The following TMEM51 variants were observed in gnomAD, a reference collection of about 807,000 sequenced individuals.
The protein encoded by TMEM51 is transmembrane protein 51.
A neutral mutation model predicts 13.6 loss-of-function variants in TMEM51; 8 were observed. The observed-to-expected ratio is 0.59, with a 90% CI of 0.35 to 1.07. The LOEUF is 1.07. TMEM51 is among the 50% of genes least tolerant of loss of function. The pLI is 0.02. For synonymous variants in TMEM51, 147 were observed against 144.4 expected (o/e 1.02, Z -0.13); for missense variants, 279 against 330.7 (o/e 0.84, Z 1.21).
chr1:15,214,250 T>C (rs750930790), intron 2 of TMEM51, among the ~76,000 whole-genome samples: 4 of 152,010 alleles, frequency 2.6e-5, no homozygotes, highest in Admixed American at 6.6e-5. Context: ...GGGGAGCACA[T>C]GAAAGGGGCA....
intron 3 of TMEM51, among the ~76,000 whole-genome samples, chr1:15,215,861 T>C (rs771871207): frequency 1.3e-5 from 2 of 152,054 alleles, no homozygotes; most frequent in Non-Finnish European, 2.9e-5. Context: ...ACCCTGTCTC[T>C]ACTAAGAATA....
chr1:15,205,844 T>C (rs1644238941), intron 1 of TMEM51, among the ~76,000 whole-genome samples: 1 of 152,162 alleles, frequency 6.6e-6, no homozygotes, highest in Non-Finnish European at 1.5e-5. Context: ...CCTGCTGGAT[T>C]GTAAAAGTCT....
At chr1:15,169,529 T>A (rs760450138) in intron 1 of TMEM51, among the ~76,000 whole-genome samples, 52 of 152,210 alleles carry the variant, frequency 3.4e-4, no homozygotes, top group Admixed American at 9.2e-4. Context: ...TTAGCAAATA[T>A]CAACCCCCAA....
intron 1 of TMEM51, among the ~76,000 whole-genome samples, chr1:15,177,920 C>T (rs533434798): frequency 1.3e-4 from 20 of 152,206 alleles, no homozygotes; most frequent in African/African-American, 1.9e-4. Flanking sequence ...AACCCATACG[C>T]GCTGATGAAT....
chr1:15,218,559 GA>G (rs1257235576), intron 3 of TMEM51, among the ~76,000 whole-genome samples: 1 of 152,134 alleles, frequency 6.6e-6, no homozygotes, highest in African/African-American at 2.4e-5. Context: ...ATAATAGTGA[GA>G]TAGAAAACAG....
intron 1 of TMEM51, among the ~76,000 whole-genome samples, chr1:15,197,211 C>A (rs79071777): frequency 0.028 from 4,289 of 152,298 alleles, 198 homozygotes; most frequent in African/African-American, 0.092. Flanking sequence ...TATCACTGTG[C>A]CCCAGAGTGT....
At chr1:15,173,059 C>T (rs1643343515) in intron 1 of TMEM51, among the ~76,000 whole-genome samples, 1 of 152,052 alleles carries the variant, frequency 6.6e-6, no homozygotes, top group African/African-American at 2.4e-5. Flanking sequence ...TTGTGGGAAC[C>T]GAATGAGGCC....
At chr1:15,185,507 A>G (rs1348534317) in intron 1 of TMEM51, among the ~76,000 whole-genome samples, 1 of 152,180 alleles carries the variant, frequency 6.6e-6, no homozygotes, top group Non-Finnish European at 1.5e-5. Flanking sequence ...CCCTTATAAT[A>G]AGTAGTCTCT....
chr1:15,170,894 A>G (rs568334620), intron 1 of TMEM51, among the ~76,000 whole-genome samples: 7 of 151,772 alleles, frequency 4.6e-5, no homozygotes, highest in Admixed American at 2.0e-4. Context: ...ACGCCTGGCT[A>G]ATTTTTTGTA....
chr1:15,171,102 T>A, intron 1 of TMEM51: 40 of 692,816 alleles, frequency 5.8e-5, no homozygotes, highest in Non-Finnish European at 8.3e-5. Flanking sequence ...TCCCTCCTCC[T>A]CCACCCCCCG....
chr1:15,157,627 A>C (rs902914138), intron 1 of TMEM51, among the ~76,000 whole-genome samples: 5 of 152,190 alleles, frequency 3.3e-5, no homozygotes, highest in African/African-American at 1.2e-4. Context: ...TGACATGGTC[A>C]GGAGGAGTAA....
At chr1:15,191,455 A>G (rs1461017034) in intron 1 of TMEM51, among the ~76,000 whole-genome samples, 1 of 152,080 alleles carries the variant, frequency 6.6e-6, no homozygotes, top group African/African-American at 2.4e-5. Context: ...TCAGGTTTTC[A>G]CCCACGTCGA....
chr1:15,172,254 C>T (rs769321827), intron 1 of TMEM51, among the ~76,000 whole-genome samples: 5 of 151,862 alleles, frequency 3.3e-5, no homozygotes, highest in Non-Finnish European at 5.9e-5. Context: ...CATGGTGACA[C>T]GTGCCTGTAG....
At chr1:15,179,062 A>C (rs1557840042) in intron 1 of TMEM51, among the ~76,000 whole-genome samples, 1 of 152,210 alleles carries the variant, frequency 6.6e-6, no homozygotes, top group Non-Finnish European at 1.5e-5. Context: ...TCTGTGACTC[A>C]GAGCAGATCT....
intron 1 of TMEM51, among the ~76,000 whole-genome samples, chr1:15,160,641 A>G (rs2100811965): frequency 6.6e-6 from 1 of 152,204 alleles, no homozygotes; most frequent in East Asian, 1.9e-4. Flanking sequence ...GGCCTCACAT[A>G]CAGCTTCCTT....
chr1:15,220,061 G>T lies in TMEM51; in HGVS notation c.*318G>T. On this transcript the variant is annotated 3_prime_UTR_variant, in exon 4 of 4. Transcript: ENST00000376008. The stretch of plus-strand genomic sequence containing the variant: ...GGCGACACATTCTCCTTTCCAGCTA[G>T]GAAAGGGTTCCTCGCGGCTGGTTTA... 5.9e-6 allele frequency: 2 copies of T among 338,222 alleles called. No individual in the cohort carries two copies. The highest frequency in any genetic ancestry group is 5.4e-6 in the Non-Finnish European group (1 of 184,322). 21.0% of individuals were successfully genotyped at this position (338,222 alleles called of 1,614,324 possible).
rs1176964843 is a variant in TMEM51, at chr1:15,207,659, A to G, written c.-266-2831A>G. Among the ~76,000 whole-genome samples the G allele has an allele frequency of 6.6e-6, 1 of 152,146 alleles. No homozygotes were observed. The highest frequency in any genetic ancestry group is 1.5e-5 in the Non-Finnish European group (1 of 68,022). ...GCTCTGGTTGGCCAGGGGTGTGCAC[A>G]CGAGTGGAAAGAGCCTCTGCCCAGC... is the stretch of plus-strand genomic sequence containing the variant. On this transcript the variant is annotated intron_variant, in intron 1 of 3. Coordinates refer to ENST00000376008, the MANE Select transcript of TMEM51 (RefSeq NM_001136218.2). This position sits in a 1 kb window ranked among gnomAD's most constrained non-coding sequence, Gnocchi z 4.6.
intron 1 of TMEM51, among the ~76,000 whole-genome samples, chr1:15,195,732 G>A (rs552015063): frequency 6.6e-6 from 1 of 152,270 alleles, no homozygotes; most frequent in South Asian, 2.1e-4. Context: ...CTGGCCCAGG[G>A]TTGCACACCT....
In TMEM51 at chr1:15,219,905, C is replaced by A; in HGVS notation, c.*162C>A. 1 of 756,938 alleles carries A rather than the reference C, an allele frequency of 1.3e-6. No individual in the cohort carries two copies. The highest frequency in any genetic ancestry group is 2.1e-6 in the Non-Finnish European group (1 of 481,772). 46.9% of individuals were successfully genotyped at this position (756,938 alleles called of 1,614,324 possible). On this transcript the variant is annotated 3_prime_UTR_variant, in exon 4 of 4. Coordinates refer to ENST00000376008, the MANE Select transcript of TMEM51 (RefSeq NM_001136218.2). ...GGGGGATTCTCTGTATCAGGAGTGA[C>A]TTTGTTGCCCCACACAGCCTCCTGC...
Sources: allele counts gnomAD v4.1 joint callset (sites outside exome capture counted in the v4.1 genomes callset), GRCh38; gene constraint gnomAD v4.1.1; non-coding constraint Gnocchi (gnomAD v3.1); transcripts MANE v1.5; gene names NCBI Gene and HGNC (gene_info 2026-07-23, HGNC 2026-07-21).